The following CDIN1 variants were observed in gnomAD, a reference collection of about 807,000 sequenced individuals.
CDIN1 encodes CDAN1 interacting nuclease 1.
A neutral mutation model predicts 45.3 loss-of-function variants in CDIN1; 33 were observed. That is an observed-to-expected ratio of 0.73 (90% CI 0.55 to 0.97). CDIN1 has a LOEUF of 0.97. Among genes scored for constraint, CDIN1 ranks in the 50% least tolerant of loss-of-function variants. CDIN1 has a pLI of 0.00. For synonymous variants in CDIN1, 118 were observed against 124.4 expected (o/e 0.95, Z 0.34); for missense variants, 303 against 339.4 (o/e 0.89, Z 0.84).
chr15:36,617,153 G>A, intron 1 of CDIN1: 3 of 974,744 alleles, frequency 3.1e-6, no homozygotes, highest in Non-Finnish European at 5.0e-6. Flanking sequence ...GCCAAAGTAT[G>A]GCAAGAAATT....
chr15:36,747,519 T>C (rs1463472312), intron 10 of CDIN1, among the ~76,000 whole-genome samples: 3 of 152,162 alleles, frequency 2.0e-5, no homozygotes, highest in African/African-American at 7.2e-5. Context: ...TAGAATTAAG[T>C]GGTTTTCTTT....
At chr15:36,586,759 A>G (rs1297517946) in intron 1 of CDIN1, among the ~76,000 whole-genome samples, 6 of 152,200 alleles carry the variant, frequency 3.9e-5, no homozygotes, top group Non-Finnish European at 8.8e-5. Flanking sequence ...AGCATGGGCA[A>G]CATATTTCTA....
intron 10 of CDIN1, among the ~76,000 whole-genome samples, chr15:36,746,129 T>A (rs1164025861): frequency 6.6e-6 from 1 of 152,186 alleles, no homozygotes; most frequent in Non-Finnish European, 1.5e-5. Flanking sequence ...GCAGCGCTGA[T>A]AGTTTTGTTG....
intron 1 of CDIN1, chr15:36,626,774 C>A: frequency 2.8e-6 from 1 of 355,356 alleles, no homozygotes; most frequent in Non-Finnish European, 5.5e-6. Flanking sequence ...GTGTGCGTTA[C>A]TGATGATGAT....
intron 1 of CDIN1, among the ~76,000 whole-genome samples, chr15:36,599,090 A>G (rs1380041808): frequency 6.9e-6 from 1 of 145,238 alleles, no homozygotes; most frequent in Non-Finnish European, 1.5e-5. Context: ...GGAGACAGCG[A>G]CTTTGAAGCA....
chr15:36,738,134 T>C (rs537639078), intron 10 of CDIN1, among the ~76,000 whole-genome samples: 1 of 152,256 alleles, frequency 6.6e-6, no homozygotes, highest in Non-Finnish European at 1.5e-5. Flanking sequence ...TCTCTATTTT[T>C]TTGGCTTGGC....
intron 5 of CDIN1, among the ~76,000 whole-genome samples, chr15:36,658,567 G>A (rs951254481): frequency 2.0e-5 from 3 of 152,230 alleles, no homozygotes; most frequent in East Asian, 1.9e-4. Context: ...CTAGGCAGGA[G>A]TTTGTCAACT....
intron 1 of CDIN1, among the ~76,000 whole-genome samples, chr15:36,629,725 C>G (rs1250841468): frequency 6.6e-6 from 1 of 152,158 alleles, no homozygotes; most frequent in African/African-American, 2.4e-5. Flanking sequence ...TGATTAAAAT[C>G]TTGAAAGCCA....
At chr15:36,807,688 T>C (rs1220544019) in intron 10 of CDIN1, among the ~76,000 whole-genome samples, 1 of 152,164 alleles carries the variant, frequency 6.6e-6, no homozygotes, top group Non-Finnish European at 1.5e-5. Context: ...TATATGACCT[T>C]ATTCCTCATT....
At position 36,771,860 on chromosome 15, in the gene CDIN1, G is replaced by A. The variant is rs920254657; in HGVS notation, c.717-36464G>A. 4.0e-5 allele frequency among the ~76,000 whole-genome samples: 6 copies of A among 151,602 alleles called. No homozygotes were observed. The East Asian group carries it at 7.7e-4, about 20-fold the overall frequency. On this transcript the variant is annotated intron_variant, in intron 10 of 10. Coordinates refer to ENST00000566621, the MANE Select transcript of CDIN1 (RefSeq NM_001321759.2). ...GGAGAATTGCTTGAACCAGGGAGGC[G>A]GAGGTTGCAGTGAGCAGAGATGGCG...
At chr15:36,669,409 G>T (rs1341978963) in intron 5 of CDIN1, among the ~76,000 whole-genome samples, 1 of 152,018 alleles carries the variant, frequency 6.6e-6, no homozygotes, top group Non-Finnish European at 1.5e-5. Flanking sequence ...CTAATAGAAA[G>T]CTTTTACTTT....
At chr15:36,659,517 T>C (rs2040908636) in intron 5 of CDIN1, among the ~76,000 whole-genome samples, 1 of 152,176 alleles carries the variant, frequency 6.6e-6, no homozygotes. Flanking sequence ...ATGCTTGAAT[T>C]ACACTATGAT....
intron 1 of CDIN1, among the ~76,000 whole-genome samples, chr15:36,581,406 C>G (rs1163841860): frequency 2.0e-5 from 3 of 152,140 alleles, no homozygotes; most frequent in Non-Finnish European, 4.4e-5. Flanking sequence ...TCAACACTTA[C>G]AAAAGCCTCC....
chr15:36,778,913 T>C (rs1413489442), intron 10 of CDIN1, among the ~76,000 whole-genome samples: 2 of 152,238 alleles, frequency 1.3e-5, no homozygotes, highest in Non-Finnish European at 2.9e-5. Context: ...AGAAAGTATT[T>C]GCACTTGAGG....
chr15:36,687,484 A>T (rs1367437377), intron 5 of CDIN1, among the ~76,000 whole-genome samples: 1 of 152,182 alleles, frequency 6.6e-6, no homozygotes, highest in East Asian at 1.9e-4. Flanking sequence ...TTGCAGAAGT[A>T]TTACCACTAG....
chr15:36,619,356 T>A, intron 1 of CDIN1: 1 of 438,084 alleles, frequency 2.3e-6, no homozygotes, highest in Non-Finnish European at 3.9e-6. Flanking sequence ...GGGGAGAGGG[T>A]AACCAGGAAG....
intron 10 of CDIN1, among the ~76,000 whole-genome samples, chr15:36,711,731 A>G (rs1001859288): frequency 7.2e-5 from 11 of 152,314 alleles, no homozygotes; most frequent in East Asian, 1.9e-4. Flanking sequence ...TTGGTTTTAA[A>G]TGGTCCAGAT....
chr15:36,789,278 A>G (rs1326666736), intron 10 of CDIN1, among the ~76,000 whole-genome samples: 2 of 152,184 alleles, frequency 1.3e-5, no homozygotes, highest in Non-Finnish European at 2.9e-5. Flanking sequence ...CCACTCACAC[A>G]TGCAAGTTGA....
chr15:36,727,361 A>G (rs1041929791), intron 10 of CDIN1, among the ~76,000 whole-genome samples: 2 of 151,524 alleles, frequency 1.3e-5, no homozygotes, highest in African/African-American at 4.8e-5. Flanking sequence ...AAAAGAAAAA[A>G]GTAGACACAC....
Sources: gnomAD v4.1 joint callset for allele counts (sites outside exome capture counted in the v4.1 genomes callset) on GRCh38, gnomAD v4.1.1 for gene constraint, MANE v1.5 for transcripts, NCBI Gene and HGNC (gene_info 2026-07-23, HGNC 2026-07-21) for gene names.